SLC6A6: variants seen among roughly 807,000 people sequenced by gnomAD.
The protein encoded by SLC6A6 is solute carrier family 6 member 6.
A neutral mutation model predicts 68.8 loss-of-function variants in SLC6A6; 16 were observed. The observed-to-expected ratio is 0.23, with a 90% confidence interval of 0.16 to 0.35. The LOEUF is 0.35. Among genes scored for constraint, SLC6A6 ranks in the 10% least tolerant of loss-of-function variants. SLC6A6 has a pLI of 1.00. For missense variants in SLC6A6, 474 were observed against 802.8 expected (o/e 0.59, Z 4.95); for synonymous variants, 312 against 315.4 (o/e 0.99, Z 0.12).
At chr3:14,473,027 C>T (rs1700790042) in intron 10 of SLC6A6, among the ~76,000 whole-genome samples, 1 of 152,218 alleles carries the variant, frequency 6.6e-6, no homozygotes, top group South Asian at 2.1e-4. Context: ...TATCCCACCC[C>T]TTCAGGGCTC....
At chr3:14,434,140 G>C (rs1699797841) in intron 2 of SLC6A6, among the ~76,000 whole-genome samples, 1 of 152,200 alleles carries the variant, frequency 6.6e-6, no homozygotes, top group African/African-American at 2.4e-5. Flanking sequence ...CTTTGCCTCA[G>C]CTTCAGTGTG....
chr3:14,460,700 CG>C (rs1261927676), intron 6 of SLC6A6, among the ~76,000 whole-genome samples: 1 of 152,252 alleles, frequency 6.6e-6, no homozygotes, highest in African/African-American at 2.4e-5. Flanking sequence ...TGATCTTCCA[CG>C]GGTCCTCCCT....
intron 2 of SLC6A6, among the ~76,000 whole-genome samples, chr3:14,442,285 C>A (rs1700007738): frequency 6.6e-6 from 1 of 152,212 alleles, no homozygotes; most frequent in African/African-American, 2.4e-5. Context: ...TGAAGACAAA[C>A]AAGTTGTGTC....
chr3:14,435,350 G>C (rs951090877), intron 2 of SLC6A6, among the ~76,000 whole-genome samples: 15 of 152,168 alleles, frequency 9.9e-5, no homozygotes, highest in Non-Finnish European at 2.2e-4. Flanking sequence ...CGGAGGTCGG[G>C]GGTCTCTGAG....
chr3:14,480,268 A>C (rs1271199519), intron 13 of SLC6A6, among the ~76,000 whole-genome samples: 2 of 152,184 alleles, frequency 1.3e-5, no homozygotes, highest in East Asian at 3.9e-4. Context: ...ACAATTGGTG[A>C]GTTTATCTTT....
At chr3:14,458,943 A>G (rs1700432277) in intron 6 of SLC6A6, among the ~76,000 whole-genome samples, 1 of 152,360 alleles carries the variant, frequency 6.6e-6, no homozygotes, top group East Asian at 1.9e-4. Flanking sequence ...CATTAGCAAT[A>G]GTGGAAATGT....
In SLC6A6 at chr3:14,485,782, G is replaced by A. The variant is rs193291251; in HGVS notation, c.*775G>A. ...CCCACTTTTAATTTTGAGATGGTGA[G>A]TGGATAGTCAGTAGACCGTCAGAAC... On this transcript the variant is annotated 3_prime_UTR_variant, in exon 15 of 15. Coordinates refer to ENST00000622186, the MANE Select transcript of SLC6A6 (RefSeq NM_003043.6). 1.8e-4 allele frequency: 28 copies of A among 152,556 alleles called. No homozygotes were observed. Among genetic ancestry groups the A allele is most frequent in the Non-Finnish European group, 3.7e-4 (25 of 68,040 alleles). 9.5% of individuals were successfully genotyped at this position (152,556 alleles called of 1,614,324 possible).
Position 14,405,288 on chromosome 3 carries a change from AG to A in SLC6A6, c.-54+2445del, listed in dbSNP as rs1273414872. Among the ~76,000 whole-genome samples, 9 of 152,232 alleles carry A rather than the reference AG, an allele frequency of 5.9e-5. No individual in the cohort carries two copies. The South Asian group carries it at 1.5e-3, about 25-fold the overall frequency. On this transcript the variant is annotated intron_variant, in intron 1 of 14. Transcript: ENST00000622186. ...TGAGCCCTGCTACCCATTCTGCTGC[AG>A]GGGTCAGCCCTCCACAAGGCAGTCC...
At chr3:14,456,538 A>G (rs1469879) in intron 5 of SLC6A6, among the ~76,000 whole-genome samples, 67,486 of 152,070 alleles carry the variant, frequency 0.44, 15,407 homozygotes, top group African/African-American at 0.55. Context: ...GGATTTATTC[A>G]AAGTCCTTAT....
chr3:14,475,755 T>G (rs1574965150), intron 10 of SLC6A6, among the ~76,000 whole-genome samples: 1 of 152,232 alleles, frequency 6.6e-6, no homozygotes, highest in Non-Finnish European at 1.5e-5. Context: ...GTGTTTGAGC[T>G]GCCGGTTTGC....
intron 2 of SLC6A6, among the ~76,000 whole-genome samples, chr3:14,417,388 T>C (rs530463396): frequency 1.3e-3 from 204 of 151,504 alleles, no homozygotes; most frequent in African/African-American, 4.7e-3. Flanking sequence ...CATTGGGGAG[T>C]AAATTGCAGG....
rs1574973772 is a variant in SLC6A6, at chr3:14,485,259, A to G, written c.*252A>G. 2.9e-6 allele frequency: 1 copy of G among 349,864 alleles called. No individual in the cohort carries two copies. Among genetic ancestry groups the G allele is most frequent in the East Asian group, 4.5e-5 (1 of 22,222 alleles). The allele number at this position is 349,864 out of a possible 1,614,324, so 21.7% of individuals were successfully genotyped here. A position where few individuals can be genotyped will look rare whatever the true frequency, so the allele number is the denominator to read the frequency against. ...CACGGGAAGATGTCCGTGGAGAGGC[A>G]GAGCTTTCATACTGAATTAGATGTA... On this transcript the variant is annotated 3_prime_UTR_variant, in exon 15 of 15. Coordinates refer to ENST00000622186, the MANE Select transcript of SLC6A6 (RefSeq NM_003043.6).
In SLC6A6 at chr3:14,427,286, G is replaced by A. The variant is rs1209332667; in HGVS notation, c.-12+10833G>A. 2.6e-5 allele frequency among the ~76,000 whole-genome samples: 4 copies of A among 152,252 alleles called. No homozygotes were observed. The South Asian group carries it at 8.3e-4, about 32-fold the overall frequency. On this transcript the variant is annotated intron_variant, in intron 2 of 14. Coordinates refer to ENST00000622186, the MANE Select transcript of SLC6A6 (RefSeq NM_003043.6). ...TGGAGTTTTAACGTACACTTCTCTG[G>A]GCACCTGGCCCTGTCCTGAGAAATT...
Position 14,472,358 on chromosome 3 carries a change from G to T in SLC6A6, c.1209+41G>T. ...GGCCCTGGGGCGACTGCCCCTGTGG[G>T]GAACCTGACTCTGGGAAAGACTCCT... On this transcript the variant is annotated intron_variant, in intron 10 of 14. Transcript: ENST00000622186. The surrounding 1 kb of genome is among the most constrained non-coding windows in gnomAD (Gnocchi z 4.5). The T allele has an allele frequency of 8.2e-7, 1 of 1,225,468 alleles. No individual in the cohort carries two copies. The highest frequency in any genetic ancestry group is 1.2e-6 in the Non-Finnish European group (1 of 827,852). 75.9% of individuals were successfully genotyped at this position (1,225,468 alleles called of 1,614,324 possible). A position where few individuals can be genotyped will look rare whatever the true frequency, so the allele number is the denominator to read the frequency against.
intron 4 of SLC6A6, among the ~76,000 whole-genome samples, chr3:14,446,784 G>A (rs778564525): frequency 2.0e-5 from 3 of 152,212 alleles, no homozygotes; most frequent in Non-Finnish European, 4.4e-5. Context: ...CACGTAGAAT[G>A]CTTTGTACAC....
rs1048317774 is a variant in SLC6A6 at position 14,429,889 on chromosome 3, T to C, written c.-12+13436T>C. ...AACTGAGGTTTCCCAAGGAGAACTT[T>C]GAACTTTATCCAAAGTTGCACAGTT... On this transcript the variant is annotated intron_variant, in intron 2 of 14. Transcript: ENST00000622186. Among the ~76,000 whole-genome samples, 5 of 152,172 alleles carry C rather than the reference T, an allele frequency of 3.3e-5. No individual in the cohort carries two copies. In the East Asian group the frequency reaches 7.7e-4, roughly 23 times the overall value.
chr3:14,408,113 T>C (rs1699151409), intron 1 of SLC6A6, among the ~76,000 whole-genome samples: 1 of 152,220 alleles, frequency 6.6e-6, no homozygotes, highest in Non-Finnish European at 1.5e-5. Context: ...TGTGGACATA[T>C]ATTTTCCTTT....
intron 10 of SLC6A6, among the ~76,000 whole-genome samples, chr3:14,473,585 C>T (rs1035605989): frequency 2.6e-5 from 4 of 152,060 alleles, no homozygotes; most frequent in Admixed American, 6.5e-5. Flanking sequence ...GGAGAGGAGG[C>T]GGCCAGCCAG....
rs1458466049 is a variant in SLC6A6, at chr3:14,477,822, G to T, written c.1347+480G>T. On this transcript the variant is annotated intron_variant, in intron 11 of 14. Coordinates refer to ENST00000622186, the MANE Select transcript of SLC6A6 (RefSeq NM_003043.6). This position sits in a 1 kb window ranked among gnomAD's most constrained non-coding sequence, Gnocchi z 4.2. ...TAGGGGGCACATACACTATTCAGAG[G>T]GTGAGCAGGGGCCAGGAGGAGGGGC... 1.3e-5 allele frequency among the ~76,000 whole-genome samples: 2 copies of T among 152,088 alleles called. No individual in the cohort carries two copies. Among genetic ancestry groups the T allele is most frequent in the African/African-American group, 4.8e-5 (2 of 41,422 alleles).
Sources: allele counts gnomAD v4.1 joint callset (sites outside exome capture counted in the v4.1 genomes callset), GRCh38; gene constraint gnomAD v4.1.1; non-coding constraint Gnocchi (gnomAD v3.1); transcripts MANE v1.5; gene names NCBI Gene and HGNC (gene_info 2026-07-23, HGNC 2026-07-21).